FASTKD1: variants seen among roughly 807,000 people sequenced by gnomAD.
FASTKD1 encodes the protein FAST kinase domain-containing protein 1, mitochondrial.
In FASTKD1, 94 loss-of-function variants were observed where a neutral mutation model predicts 90.9. That is an observed-to-expected ratio of 1.03 (90% CI 0.88 to 1.23). The LOEUF (loss-of-function observed/expected upper bound fraction) is 1.23, where lower values mean the gene tolerates loss of function less well. Ranked by LOEUF, FASTKD1 falls within the 50% of genes most tolerant of loss-of-function variation. The pLI, the probability that FASTKD1 is intolerant of heterozygous loss-of-function variation, is 0.00. For missense variants in FASTKD1, 945 were observed against 993.5 expected (o/e 0.95, Z 0.66); for synonymous variants, 319 against 345.8 (o/e 0.92, Z 0.86).
intron 7 of FASTKD1, among the ~76,000 whole-genome samples, chr2:169,551,998 C>A (rs1455230784): frequency 6.6e-6 from 1 of 152,114 alleles, no homozygotes; most frequent in Non-Finnish European, 1.5e-5. Flanking sequence ...ACTCTGGGTT[C>A]TTTGAGCTGT....
intron 4 of FASTKD1, among the ~76,000 whole-genome samples, chr2:169,562,725 G>A (rs964548385): frequency 2.0e-5 from 3 of 152,062 alleles, no homozygotes; most frequent in Non-Finnish European, 2.9e-5. Flanking sequence ...TAGGAGAATA[G>A]AGATAATGTC....
At chr2:169,551,292 A>C (rs1462586928) in intron 7 of FASTKD1, among the ~76,000 whole-genome samples, 1 of 152,210 alleles carries the variant, frequency 6.6e-6, no homozygotes, top group Non-Finnish European at 1.5e-5. Context: ...TGGCACACAG[A>C]AATGAATATG....
intron 9 of FASTKD1, among the ~76,000 whole-genome samples, chr2:169,542,996 C>T (rs911441132): frequency 3.8e-4 from 58 of 152,110 alleles, no homozygotes; most frequent in African/African-American, 1.4e-3. Context: ...AGCATCTATA[C>T]CTAATTTCTA....
chr2:169,531,156 A>G, intron 13 of FASTKD1, 196 bp downstream of exon 13: 2 of 767,694 alleles, frequency 2.6e-6, no homozygotes, highest in South Asian at 2.7e-5. Context: ...TTAGTTAGGG[A>G]GATTGCTAGG....
chr2:169,565,411 C>T (rs1195730379), intron 3 of FASTKD1, among the ~76,000 whole-genome samples: 1 of 151,540 alleles, frequency 6.6e-6, no homozygotes, highest in Non-Finnish European at 1.5e-5. Flanking sequence ...TATAGGCGCC[C>T]GCCACCACGC....
At position 169,534,710 on chromosome 2, in the gene FASTKD1, C is replaced by G. The variant is rs574236845; in HGVS notation, c.2188+2517G>C. Among the ~76,000 whole-genome samples the G allele has an allele frequency of 2.6e-5, 4 of 152,256 alleles. No homozygotes were observed. The South Asian group carries it at 8.3e-4, about 32-fold the overall frequency. ...CCAACCTCAGGTAATCCGCCCGCCT[C>G]TGTCTCCCAAAGTGCTGGGATTACA... On this transcript the variant is annotated intron_variant, in intron 12 of 14. Coordinates refer to ENST00000453153, the MANE Select transcript of FASTKD1 (RefSeq NM_024622.6).
At position 169,531,364 on chromosome 2, in the gene FASTKD1, G is replaced by T; in HGVS notation, c.2315C>A (p.Pro772Gln). The T allele has an allele frequency of 6.2e-7, 1 of 1,613,540 alleles. No individual in the cohort carries two copies. The highest frequency in any genetic ancestry group is 8.5e-7 in the Non-Finnish European group (1 of 1,179,746). ...NIEIVGSRLP[P>Q]GAERIALEFL... The stretch of plus-strand genomic sequence containing the variant: ...AGAAATAAATTACCTTTCAGCCCCT[G>T]GTGGCAGCCTTGATCCAACTATTTC... Residue 772 changes from proline (P) to glutamine (Q), a missense_variant, in exon 13 of 15, where the codon CCA becomes CAA. Coordinates refer to ENST00000453153, the MANE Select transcript of FASTKD1 (RefSeq NM_024622.6).
chr2:169,558,974 T>A (rs1683457339), intron 5 of FASTKD1, among the ~76,000 whole-genome samples: 1 of 150,338 alleles, frequency 6.7e-6, no homozygotes, highest in Admixed American at 6.7e-5. Flanking sequence ...TAATTCAAAG[T>A]ACTTTTTTTT....
intron 10 of FASTKD1, among the ~76,000 whole-genome samples, chr2:169,539,656 T>C (rs1475904553): frequency 6.6e-6 from 1 of 151,498 alleles, no homozygotes; most frequent in African/African-American, 2.4e-5. Context: ...TCCCAGCTAC[T>C]TGGAAGGCTG....
At chr2:169,552,054 A>C (rs546388070) in intron 7 of FASTKD1, among the ~76,000 whole-genome samples, 13 of 152,216 alleles carry the variant, frequency 8.5e-5, no homozygotes, top group Non-Finnish European at 1.3e-4. Flanking sequence ...GTAAATTATT[A>C]GTTCAAATAG....
At chr2:169,545,413 A>G (rs1034847454) in intron 8 of FASTKD1, among the ~76,000 whole-genome samples, 1 of 152,138 alleles carries the variant, frequency 6.6e-6, no homozygotes, top group Non-Finnish European at 1.5e-5. Flanking sequence ...TTTTTCACTC[A>G]TTCATCCAAT....
chr2:169,563,210 C>T lies in FASTKD1; in HGVS notation c.572+15G>A, dbSNP rs745792351. The T allele has an allele frequency of 4.4e-6, 7 of 1,606,650 alleles. No homozygotes were observed. The highest frequency in any genetic ancestry group is 4.2e-6 in the Non-Finnish European group (5 of 1,177,526). ...ATCTTTCCACCACAACACAAGATTCCCTAAATAAATTTACCTTAAGTCCTG... is the reference window on the plus strand; with the variant it reads ...ATCTTTCCACCACAACACAAGATTCTCTAAATAAATTTACCTTAAGTCCTG... On this transcript the variant is annotated intron_variant, in intron 4 of 14. Coordinates refer to ENST00000453153, the MANE Select transcript of FASTKD1 (RefSeq NM_024622.6).
At chr2:169,548,351 G>A (rs916904404) in intron 7 of FASTKD1, among the ~76,000 whole-genome samples, 1 of 150,854 alleles carries the variant, frequency 6.6e-6, no homozygotes, top group Non-Finnish European at 1.5e-5. Flanking sequence ...ACAGGACATA[G>A]TTGACCTCAT....
chr2:169,541,562 A>T (rs1021766257), intron 9 of FASTKD1, among the ~76,000 whole-genome samples: 4 of 152,200 alleles, frequency 2.6e-5, no homozygotes, highest in African/African-American at 9.6e-5. Context: ...CAGTAGTATC[A>T]GACATGGTTA....
At chr2:169,538,165 A>G (rs200052606) in intron 10 of FASTKD1, 24 bp from the exon 11 acceptor site, 149 of 1,577,056 alleles carry the variant, frequency 9.4e-5, no homozygotes, top group Non-Finnish European at 1.2e-4. Flanking sequence ...AATACTAATG[A>G]ATTTTGATAG....
chr2:169,567,338 G>A (rs1684034947), intron 3 of FASTKD1, among the ~76,000 whole-genome samples: 1 of 152,100 alleles, frequency 6.6e-6, no homozygotes, highest in Admixed American at 6.6e-5. Context: ...GCTTTGAAGA[G>A]AAATAAAATG....
At chr2:169,552,873 A>G (rs1685551855) in intron 7 of FASTKD1, among the ~76,000 whole-genome samples, 1 of 152,074 alleles carries the variant, frequency 6.6e-6, no homozygotes, top group Admixed American at 6.6e-5. Context: ...GTAACAAAAA[A>G]CCACTTGTAC....
At chr2:169,557,369 T>C in intron 5 of FASTKD1, 72 bp from the exon 6 acceptor site, 2 of 732,088 alleles carry the variant, frequency 2.7e-6, no homozygotes, top group African/African-American at 2.2e-5. Flanking sequence ...TAAATAACAG[T>C]TCTTGGGTAA....
chr2:169,560,787 T>G lies in FASTKD1; in HGVS notation c.573-2A>C. ...TTGACCATCAAGACAGACAAGGAAC[T>G]GAAAAAGAAAAAAGATGCAAAGATT... On this transcript the variant is annotated splice_acceptor_variant, in intron 4 of 14. Coordinates refer to ENST00000453153, the MANE Select transcript of FASTKD1 (RefSeq NM_024622.6). LOFTEE classifies it high-confidence loss of function. 6.9e-7 allele frequency: 1 copy of G among 1,454,504 alleles called. No homozygotes were observed. The highest frequency in any genetic ancestry group is 1.9e-4 in the Middle Eastern group (1 of 5,346). 90.1% of individuals were successfully genotyped at this position (1,454,504 alleles called of 1,614,324 possible). A position where few individuals can be genotyped will look rare whatever the true frequency, so the allele number is the denominator to read the frequency against.
Sources: allele counts gnomAD v4.1 joint callset (sites outside exome capture counted in the v4.1 genomes callset), GRCh38; gene constraint gnomAD v4.1.1; transcripts MANE v1.5; gene names NCBI Gene and HGNC (gene_info 2026-07-23, HGNC 2026-07-21).